SCFD1: variants seen among roughly 807,000 people sequenced by gnomAD.
SCFD1 encodes the protein sec1 family domain containing 1.
A neutral mutation model predicts 103.2 loss-of-function variants in SCFD1; 37 were observed. That is an observed-to-expected ratio of 0.36 (90% confidence interval 0.28 to 0.47). The LOEUF (loss-of-function observed/expected upper bound fraction) is 0.47, where lower values mean the gene tolerates loss of function less well. Ranked by LOEUF, SCFD1 falls within the 20% of genes least tolerant of loss-of-function variation. The pLI is 1.00. For missense variants in SCFD1, 639 were observed against 761.2 expected, an observed-to-expected ratio of 0.84 and a Z score of 1.89; for synonymous variants, 264 against 245.0, an observed-to-expected ratio of 1.08 and a Z score of -0.73.
intron 19 of SCFD1, chr14:30,715,560 C>G (rs1892219361): frequency 6.8e-6 from 1 of 146,594 alleles, no homozygotes; most frequent in Non-Finnish European, 1.4e-5. Context: ...GACAGCGAGT[C>G]TCCATGTCAA....
intron 7 of SCFD1, among the ~76,000 whole-genome samples, chr14:30,648,533 A>G (rs1264569235): frequency 2.6e-5 from 4 of 152,218 alleles, no homozygotes; most frequent in African/African-American, 9.7e-5. Flanking sequence ...GCAGTCCCCA[A>G]ACTGCTGAAT....
At chr14:30,703,233 GAAAT>G (rs1891198209) in intron 17 of SCFD1, among the ~76,000 whole-genome samples, 1 of 150,376 alleles carries the variant, frequency 6.6e-6, no homozygotes, top group Admixed American at 6.7e-5. Flanking sequence ...AATGACATAA[GAAAT>G]AAAACTAAGT....
At chr14:30,673,481 C>G (rs913052146) in intron 12 of SCFD1, 134 bp downstream of exon 12, 2 of 472,994 alleles carry the variant, frequency 4.2e-6, no homozygotes, top group Admixed American at 7.7e-5. Context: ...TTTCAACTTG[C>G]GTAAGTGATC....
intron 23 of SCFD1, among the ~76,000 whole-genome samples, chr14:30,733,879 G>C (rs1893652462): frequency 6.6e-6 from 1 of 152,038 alleles, no homozygotes; most frequent in African/African-American, 2.4e-5. Flanking sequence ...ATGCCTAGAA[G>C]TTCTGGACCC....
intron 6 of SCFD1, among the ~76,000 whole-genome samples, chr14:30,642,654 G>A (rs10143215): frequency 0.064 from 9,684 of 152,110 alleles, 430 homozygotes; most frequent in African/African-American, 0.12. Flanking sequence ...CTGTAGTTGG[G>A]TAACAGAATC....
At chr14:30,643,745 A>G in intron 7 of SCFD1, 1 of 308,286 alleles carries the variant, frequency 3.2e-6, no homozygotes, top group Non-Finnish European at 6.1e-6. Context: ...ACATTTCTAA[A>G]TAGAGAAATA....
At chr14:30,624,321 G>A (rs1393965735) in intron 1 of SCFD1, among the ~76,000 whole-genome samples, 9 of 152,176 alleles carry the variant, frequency 5.9e-5, no homozygotes, top group African/African-American at 1.9e-4. Context: ...GGTCCCATTA[G>A]TGTTCTCATC....
At chr14:30,711,488 C>T (rs968857000) in intron 19 of SCFD1, among the ~76,000 whole-genome samples, 6 of 152,124 alleles carry the variant, frequency 3.9e-5, no homozygotes, top group Admixed American at 2.0e-4. Context: ...GTGGCACATG[C>T]TTGGGAGGCT....
intron 23 of SCFD1, among the ~76,000 whole-genome samples, chr14:30,729,367 G>T (rs1198550437): frequency 6.6e-6 from 1 of 152,030 alleles, no homozygotes; most frequent in East Asian, 1.9e-4. Context: ...TCTAAGAATT[G>T]TATAATTTTA....
At chr14:30,683,631 A>C (rs1889677005) in intron 14 of SCFD1, 1 of 261,054 alleles carries the variant, frequency 3.8e-6, no homozygotes, top group Non-Finnish European at 7.5e-6. Context: ...GGAACTCGGG[A>C]GAGCTCATGA....
intron 19 of SCFD1, among the ~76,000 whole-genome samples, chr14:30,714,311 G>C (rs1037142325): frequency 6.7e-6 from 1 of 149,150 alleles, no homozygotes; most frequent in African/African-American, 2.5e-5. Flanking sequence ...CCGAGATTGC[G>C]CCACTGCAGT....
chr14:30,647,361 T>C (rs1239848534), intron 7 of SCFD1, among the ~76,000 whole-genome samples: 1 of 149,822 alleles, frequency 6.7e-6, no homozygotes. Flanking sequence ...CTTTCAGGGA[T>C]TTTTTTTTTC....
Position 30,694,832 on chromosome 14 carries a change from G to A in SCFD1, c.1302G>A (p.Leu434=). 6.3e-7 allele frequency: 1 copy of A among 1,583,376 alleles called. No homozygotes were observed. Among genetic ancestry groups the A allele is most frequent in the Non-Finnish European group, 8.5e-7 (1 of 1,170,802 alleles). The change falls in exon 15 of 25, where the codon CTG becomes CTA. Residue 434 remains leucine, a synonymous_variant. Transcript: ENST00000458591. The stretch of plus-strand genomic sequence containing the variant: ...AAAAAATAATGAGCAAAACTACTCT[G>A]GATAAATCTCTTCTAGATATAATAT... ...YEEKIMSKTT[L]DKSLLDIISD...
In SCFD1 at chr14:30,721,746, C is replaced by T. The variant is rs1360253311; in HGVS notation, c.1737-138C>T. On this transcript the variant is annotated intron_variant, in intron 21 of 24. Coordinates refer to ENST00000458591, the MANE Select transcript of SCFD1 (RefSeq NM_016106.4). ...TACCTGGCTCAGCAAAATTAAAGGA[C>T]CCACCCCTCTAAGAAGGTGAAGGAG... The T allele has an allele frequency of 4.3e-6, 3 of 696,872 alleles. No individual in the cohort carries two copies. In the Admixed American group the frequency reaches 9.3e-5, roughly 22 times the overall value. 43.2% of individuals were successfully genotyped at this position (696,872 alleles called of 1,614,324 possible).
intron 15 of SCFD1, among the ~76,000 whole-genome samples, chr14:30,699,542 T>G (rs768400200): frequency 6.6e-6 from 1 of 152,230 alleles, no homozygotes; most frequent in Non-Finnish European, 1.5e-5. Flanking sequence ...AGACATTACT[T>G]TGAAGTCTTA....
chr14:30,693,244 G>T (rs138366538), intron 14 of SCFD1, among the ~76,000 whole-genome samples: 1 of 151,740 alleles, frequency 6.6e-6, no homozygotes, highest in Non-Finnish European at 1.5e-5. Context: ...GAAAGGAGGC[G>T]GATATTAGAA....
chr14:30,734,493 C>A (rs1404025881), intron 23 of SCFD1: 1 of 346,872 alleles, frequency 2.9e-6, no homozygotes, highest in Non-Finnish European at 5.5e-6. Flanking sequence ...TTATAGGTAA[C>A]TGTTGCTCCT....
intron 19 of SCFD1, among the ~76,000 whole-genome samples, chr14:30,711,356 C>T (rs891811011): frequency 2.0e-5 from 3 of 152,264 alleles, no homozygotes; most frequent in Admixed American, 1.3e-4. Context: ...GCCTGTAACC[C>T]CAGTACTTTG....
intron 23 of SCFD1, among the ~76,000 whole-genome samples, chr14:30,733,257 C>T (rs927097815): frequency 1.3e-5 from 2 of 152,106 alleles, no homozygotes; most frequent in Admixed American, 6.6e-5. Context: ...ATCCACTTGC[C>T]TCGGCCTCCC....
Sources: allele counts gnomAD v4.1 joint callset (sites outside exome capture counted in the v4.1 genomes callset), GRCh38; gene constraint gnomAD v4.1.1; transcripts MANE v1.5; gene names NCBI Gene and HGNC (gene_info 2026-07-23, HGNC 2026-07-21).